DCTN4: variants seen among roughly 807,000 people sequenced by gnomAD.
The protein encoded by DCTN4 is dynactin subunit 4, also known as dynactin 4 (p62).
A neutral mutation model predicts 62.7 loss-of-function variants in DCTN4; 23 were observed. The ratio of observed to expected loss-of-function variants is 0.37; its 90% CI spans 0.26 to 0.52. The LOEUF (loss-of-function observed/expected upper bound fraction) is 0.52. DCTN4 is among the 20% of genes least tolerant of loss of function. The pLI is 0.92. For missense variants in DCTN4, 514 were observed against 580.4 expected (o/e 0.89, Z 1.18); for synonymous variants, 199 against 202.1 (o/e 0.98, Z 0.13).
At chr5:150,746,623 G>C (rs1007552812) in intron 3 of DCTN4, among the ~76,000 whole-genome samples, 5 of 152,130 alleles carry the variant, frequency 3.3e-5, no homozygotes, top group Non-Finnish European at 7.3e-5. Flanking sequence ...GGGATGCAAG[G>C]CTGGTTCAAC....
chr5:150,709,377 AT>A lies in DCTN4; in HGVS notation c.*1771del, dbSNP rs1759482114. 1 of 152,372 alleles carries A rather than the reference AT, an allele frequency of 6.6e-6. No homozygotes were observed. Among genetic ancestry groups the A allele is most frequent in the Non-Finnish European group, 1.5e-5 (1 of 68,030 alleles). 9.4% of individuals were successfully genotyped at this position (152,372 alleles called of 1,614,324 possible). A position where few individuals can be genotyped will look rare whatever the true frequency, so the allele number is the denominator to read the frequency against. On this transcript the variant is annotated 3_prime_UTR_variant, in exon 13 of 13. Coordinates refer to ENST00000447998, the MANE Select transcript of DCTN4 (RefSeq NM_016221.4). ...TGCAAACGTGTAAACATATGAAGCTATTCTCTACTCTATGCCCATTTCCTCC... is the reference window on the plus strand; with the variant it reads ...TGCAAACGTGTAAACATATGAAGCTATCTCTACTCTATGCCCATTTCCTCC...
In DCTN4 at chr5:150,735,405, C is replaced by T. The variant is rs952689464; in HGVS notation, c.430-1930G>A. 2.6e-5 allele frequency among the ~76,000 whole-genome samples: 4 copies of T among 152,258 alleles called. No individual in the cohort carries two copies. In the South Asian group the frequency reaches 6.2e-4, roughly 24 times the overall value. On this transcript the variant is annotated intron_variant, in intron 4 of 12. Coordinates refer to ENST00000447998, the MANE Select transcript of DCTN4 (RefSeq NM_016221.4). ...ACCAAACTACAACCAAGGACCCTCA[C>T]AGAGTCCACTTCACTCTCCTGCTAT...
At chr5:150,728,646 T>C (rs951653646) in intron 8 of DCTN4, among the ~76,000 whole-genome samples, 42 of 152,282 alleles carry the variant, frequency 2.8e-4, no homozygotes, top group Admixed American at 4.6e-4. Context: ...AAATTATCCC[T>C]CTTTTAAAAA....
intron 4 of DCTN4, among the ~76,000 whole-genome samples, chr5:150,740,800 T>C (rs1208709973): frequency 6.6e-6 from 1 of 152,148 alleles, no homozygotes; most frequent in Non-Finnish European, 1.5e-5. Context: ...AACTCAGGAA[T>C]GGAAAACCAA....
At chr5:150,718,465 C>A (rs965296263) in intron 10 of DCTN4, 82 bp from the exon 11 acceptor site, 9 of 869,454 alleles carry the variant, frequency 1.0e-5, no homozygotes, top group Non-Finnish European at 1.5e-5. Context: ...TTACCATCCC[C>A]GCCATTACTC....
At chr5:150,744,862 C>G (rs1434763209) in intron 3 of DCTN4, among the ~76,000 whole-genome samples, 1 of 151,862 alleles carries the variant, frequency 6.6e-6, no homozygotes, top group Non-Finnish European at 1.5e-5. Context: ...ACCATCGAGA[C>G]TAGGAAGAAA....
chr5:150,751,541 T>C (rs940094484), intron 3 of DCTN4, among the ~76,000 whole-genome samples: 1 of 152,104 alleles, frequency 6.6e-6, no homozygotes, highest in African/African-American at 2.4e-5. Flanking sequence ...GAGGCCTACA[T>C]TATGCCACTT....
intron 4 of DCTN4, among the ~76,000 whole-genome samples, chr5:150,740,518 T>C (rs1760730053): frequency 1.3e-5 from 2 of 152,108 alleles, no homozygotes; most frequent in African/African-American, 4.8e-5. Flanking sequence ...TAAAAGTAGA[T>C]CTACCGTTTG....
chr5:150,740,918 G>A (rs1460671884), intron 4 of DCTN4, among the ~76,000 whole-genome samples: 4 of 152,164 alleles, frequency 2.6e-5, no homozygotes, highest in African/African-American at 9.7e-5. Context: ...GGAAGGGGGT[G>A]AGGATAAAAT....
intron 4 of DCTN4, chr5:150,733,676 TG>T (rs2113067615): frequency 2.2e-6 from 1 of 460,094 alleles, no homozygotes; most frequent in Admixed American, 3.9e-5. Flanking sequence ...AGTTCAAGGA[TG>T]GGAAGAAATG....
chr5:150,757,954 A>G, intron 1 of DCTN4: 1 of 552,838 alleles, frequency 1.8e-6, no homozygotes, highest in Non-Finnish European at 2.3e-6. Flanking sequence ...TTTACCTGTA[A>G]AAAAAATTTT....
Position 150,733,472 on chromosome 5 carries a change from T to C in DCTN4, c.433A>G (p.Asn145Asp), listed in dbSNP as rs746394876. ...TGCTGGTAATATTCAATCAATTTGT[T>C]CATCTGTAAGAAAATCACAGACTCA... ...EPENPHTQRM[N>D]KLIEYYQQLA... The change falls in exon 5 of 13, where the codon AAC (asparagine) becomes GAC (aspartate). Residue 145 changes from asparagine (N) to aspartate (D), a missense_variant. Transcript: ENST00000447998. 9 of 1,612,490 alleles carry C rather than the reference T, an allele frequency of 5.6e-6. No homozygotes were observed. The highest frequency in any genetic ancestry group is 7.6e-6 in the Non-Finnish European group (9 of 1,179,188).
chr5:150,725,380 T>C lies in DCTN4; in HGVS notation c.835-2400A>G, dbSNP rs565563729. Among the ~76,000 whole-genome samples the C allele has an allele frequency of 9.0e-4, 136 of 151,782 alleles. 2 individuals are homozygous for C. The highest frequency in any genetic ancestry group is 8.7e-3 in the Admixed American group (133 of 15,250). ...CATTATATAACCATATTTATATAAA[T>C]TTATATCAATTTAATTTATATATAA... On this transcript the variant is annotated intron_variant, in intron 8 of 12. Transcript: ENST00000447998.
At chr5:150,738,783 T>A (rs184482784) in intron 4 of DCTN4, among the ~76,000 whole-genome samples, 1 of 152,020 alleles carries the variant, frequency 6.6e-6, no homozygotes, top group East Asian at 1.9e-4. Context: ...AGGAAAGAAA[T>A]AAAGGGCATC....
At chr5:150,742,255 A>T in intron 3 of DCTN4, 98 bp from the exon 4 acceptor site, 1 of 1,201,746 alleles carries the variant, frequency 8.3e-7, no homozygotes, top group Non-Finnish European at 1.2e-6. Context: ...AACTTAAAAC[A>T]TAAGTTATAT....
chr5:150,754,747 T>C (rs957600867), intron 2 of DCTN4, among the ~76,000 whole-genome samples: 4 of 152,158 alleles, frequency 2.6e-5, no homozygotes, highest in African/African-American at 9.7e-5. Context: ...GGTGAAGTGC[T>C]TGAGCCAGGA....
chr5:150,710,630 T>C lies in DCTN4; in HGVS notation c.*519A>G, dbSNP rs1475416622. 1.3e-5 allele frequency: 2 copies of C among 155,206 alleles called. No individual in the cohort carries two copies. Among genetic ancestry groups the C allele is most frequent in the African/African-American group, 4.8e-5 (2 of 41,486 alleles). The allele number at this position is 155,206 out of a possible 1,614,324, so 9.6% of individuals were successfully genotyped here. ...AGTTTTTCAGTTATATGGAAATCTA[T>C]GGCAAAATGGCAGCCATTATGGCAA... On this transcript the variant is annotated 3_prime_UTR_variant, in exon 13 of 13. Coordinates refer to ENST00000447998, the MANE Select transcript of DCTN4 (RefSeq NM_016221.4).
chr5:150,711,613 C>T (rs1175495793), intron 12 of DCTN4, among the ~76,000 whole-genome samples: 1 of 152,156 alleles, frequency 6.6e-6, no homozygotes, highest in Non-Finnish European at 1.5e-5. Flanking sequence ...TCAAGTAACT[C>T]TCCCATCTCA....
intron 3 of DCTN4, among the ~76,000 whole-genome samples, chr5:150,752,748 T>C (rs1055307152): frequency 4.6e-5 from 7 of 152,240 alleles, no homozygotes; most frequent in African/African-American, 1.7e-4. Context: ...ATCCTTTGCC[T>C]GTTTTTCTAC....
Sources: allele counts gnomAD v4.1 joint callset (sites outside exome capture counted in the v4.1 genomes callset), GRCh38; gene constraint gnomAD v4.1.1; transcripts MANE v1.5; gene names NCBI Gene and HGNC (gene_info 2026-07-23, HGNC 2026-07-21).